The following SEMA5B variants were observed in gnomAD, a reference collection of about 807,000 sequenced individuals.
The protein encoded by SEMA5B is semaphorin-5B.
In SEMA5B, 66 loss-of-function variants were observed where a neutral mutation model predicts 135.0. That is an observed-to-expected ratio of 0.49 (90% CI 0.40 to 0.60). The LOEUF is 0.60. Among genes scored for constraint, SEMA5B ranks in the 20% least tolerant of loss-of-function variants. The probability of loss-of-function intolerance (pLI) is 0.00; values close to 1 mark genes in which losing one functional copy is unlikely to be tolerated. For synonymous variants in SEMA5B, 690 were observed against 639.5 expected, an observed-to-expected ratio of 1.08 and a Z score of -1.19; for missense variants, 1,501 against 1,566.3, an observed-to-expected ratio of 0.96 and a Z score of 0.70.
intron 22 of SEMA5B, among the ~76,000 whole-genome samples, chr3:122,910,579 G>A (rs1173375335): frequency 6.6e-6 from 1 of 152,128 alleles, no homozygotes; most frequent in Non-Finnish European, 1.5e-5. Flanking sequence ...GGAGGCCGAG[G>A]CGGGCGGATC....
intron 1 of SEMA5B, among the ~76,000 whole-genome samples, chr3:122,995,061 A>G (rs902625813): frequency 6.6e-6 from 1 of 152,122 alleles, no homozygotes; most frequent in African/African-American, 2.4e-5. Flanking sequence ...CAGAGGGGCA[A>G]CATGTCAGGT....
chr3:122,997,360 C>T (rs1348402672), intron 1 of SEMA5B, among the ~76,000 whole-genome samples: 1 of 152,104 alleles, frequency 6.6e-6, no homozygotes. Context: ...CTCGCCTATC[C>T]TTCTTGCATC....
intron 12 of SEMA5B, among the ~76,000 whole-genome samples, chr3:122,919,966 T>G (rs1237538093): frequency 6.6e-6 from 1 of 152,156 alleles, no homozygotes; most frequent in Non-Finnish European, 1.5e-5. Context: ...CACACCCCAC[T>G]GGAGCTGAAC....
intron 1 of SEMA5B, chr3:122,993,231 C>T (rs1328233271): frequency 6.6e-6 from 1 of 152,352 alleles, no homozygotes; most frequent in African/African-American, 2.4e-5. Flanking sequence ...CCAATTGTCC[C>T]TCACACTGCT....
At chr3:122,943,074 C>G (rs1348333516) in intron 4 of SEMA5B, among the ~76,000 whole-genome samples, 2 of 152,204 alleles carry the variant, frequency 1.3e-5, no homozygotes, top group African/African-American at 4.8e-5. Flanking sequence ...CAGGGGGCCC[C>G]TGGGCACCTT....
At chr3:123,009,511 A>ATG (rs142277324) in intron 1 of SEMA5B, among the ~76,000 whole-genome samples, 3 of 150,856 alleles carry the variant, frequency 2.0e-5, no homozygotes, top group African/African-American at 4.9e-5. Flanking sequence ...GTTCACATGT[A>ATG]TGTGTGTGTG....
chr3:123,017,739 C>T (rs1385757337), intron 1 of SEMA5B, among the ~76,000 whole-genome samples: 1 of 152,104 alleles, frequency 6.6e-6, no homozygotes, highest in Non-Finnish European at 1.5e-5. Context: ...GAAACCTCAT[C>T]TCTTCTAAAA....
At chr3:123,001,498 A>G (rs922558274) in intron 1 of SEMA5B, among the ~76,000 whole-genome samples, 4 of 152,130 alleles carry the variant, frequency 2.6e-5, no homozygotes, top group African/African-American at 9.7e-5. Flanking sequence ...CATACTCAAT[A>G]CATCTGCCCC....
chr3:122,995,603 G>A (rs757696427), intron 1 of SEMA5B, among the ~76,000 whole-genome samples: 19 of 152,350 alleles, frequency 1.2e-4, no homozygotes, highest in Non-Finnish European at 2.1e-4. Context: ...CCAAGCTTGA[G>A]AGGGAGGCCC....
At chr3:122,919,069 G>A (rs540364872) in intron 12 of SEMA5B, among the ~76,000 whole-genome samples, 1 of 150,350 alleles carries the variant, frequency 6.7e-6, no homozygotes, top group Admixed American at 6.6e-5. Flanking sequence ...TCATTCCATG[G>A]GCTCGGAGGT....
At chr3:122,983,735 A>G (rs1309278176) in intron 1 of SEMA5B, among the ~76,000 whole-genome samples, 8 of 142,800 alleles carry the variant, frequency 5.6e-5, no homozygotes, top group Non-Finnish European at 1.0e-4. Context: ...AAAAAAAAAA[A>G]AAAAAAAAAA....
intron 1 of SEMA5B, among the ~76,000 whole-genome samples, chr3:122,971,906 CAG>C (rs1385176757): frequency 6.6e-6 from 1 of 152,248 alleles, no homozygotes; most frequent in South Asian, 2.1e-4. Context: ...CTCTTTGAAA[CAG>C]AGAGAATAAT....
chr3:122,994,396 C>A (rs1560423486), intron 1 of SEMA5B, among the ~76,000 whole-genome samples: 1 of 152,180 alleles, frequency 6.6e-6, no homozygotes, highest in Non-Finnish European at 1.5e-5. Context: ...TCCTTCTTTG[C>A]AAACAATTAT....
At chr3:122,998,807 G>A (rs1942092824) in intron 1 of SEMA5B, among the ~76,000 whole-genome samples, 1 of 152,210 alleles carries the variant, frequency 6.6e-6, no homozygotes, top group Non-Finnish European at 1.5e-5. Context: ...AAGAAGTAGA[G>A]AGATTTACTT....
rs1446958772 is a variant in SEMA5B, at chr3:122,966,053, A to T, written c.-38-4752T>A. 2.6e-5 allele frequency among the ~76,000 whole-genome samples: 4 copies of T among 152,064 alleles called. No individual in the cohort carries two copies. In the East Asian group the frequency reaches 7.7e-4, roughly 29 times the overall value. On this transcript the variant is annotated intron_variant, in intron 1 of 22. Transcript: ENST00000357599. Reference sequence around the variant, plus strand: ...AGGGACCCTCCAGCAGCTAACTTGAATCTCTCTGATTCCAGACCCTTCTCA... The same window carrying T: ...AGGGACCCTCCAGCAGCTAACTTGATTCTCTCTGATTCCAGACCCTTCTCA...
Position 122,913,508 on chromosome 3 carries a change from C to G in SEMA5B, c.2280+26G>C, listed in dbSNP as rs1304077651. The G allele has an allele frequency of 7.5e-6, 12 of 1,602,712 alleles. No homozygotes were observed. The East Asian group carries it at 2.7e-4, about 36-fold the overall frequency. ...TCGGCTCCAGTACCCTACACCGCGCCCCTGGCCCACGGCCCCAACCCTCAC... is the reference window on the plus strand; with the variant it reads ...TCGGCTCCAGTACCCTACACCGCGCGCCTGGCCCACGGCCCCAACCCTCAC... On this transcript the variant is annotated intron_variant, in intron 16 of 22. Coordinates refer to ENST00000357599, the MANE Select transcript of SEMA5B (RefSeq NM_001031702.4).
chr3:122,968,682 C>T (rs1189143892), intron 1 of SEMA5B, among the ~76,000 whole-genome samples: 1 of 152,188 alleles, frequency 6.6e-6, no homozygotes, highest in Admixed American at 6.5e-5. Flanking sequence ...TCATCCTGTC[C>T]ATCCTCCAGG....
chr3:122,916,190 G>A (rs534450789), intron 12 of SEMA5B, among the ~76,000 whole-genome samples: 4 of 152,310 alleles, frequency 2.6e-5, no homozygotes, highest in South Asian at 2.1e-4. Context: ...GAGACTGCAC[G>A]TTTAAAAGAG....
chr3:123,027,965 C>T (rs552246076), upstream of SEMA5B, among the ~76,000 whole-genome samples: 2 of 152,280 alleles, frequency 1.3e-5, no homozygotes, highest in East Asian at 1.9e-4. Context: ...GGCCGACTCC[C>T]GCCCCGGGCC....
Sources: allele counts gnomAD v4.1 joint callset (sites outside exome capture counted in the v4.1 genomes callset), GRCh38; gene constraint gnomAD v4.1.1; transcripts MANE v1.5; gene names NCBI Gene and HGNC (gene_info 2026-07-23, HGNC 2026-07-21).